The following TRIM21 variants were observed in gnomAD, a reference collection of about 807,000 sequenced individuals.
TRIM21 encodes E3 ubiquitin-protein ligase TRIM21.
TRIM21 carries 35 observed loss-of-function variants against 36.1 expected under a neutral mutation model. That is an observed-to-expected ratio of 0.97 (90% CI 0.74 to 1.28). TRIM21 has a LOEUF of 1.28. Ranked by LOEUF, TRIM21 falls within the 50% of genes most tolerant of loss-of-function variation. TRIM21 has a pLI of 0.00. For synonymous variants in TRIM21, 256 were observed against 211.5 expected (o/e 1.21, Z -1.83); for missense variants, 635 against 570.7 (o/e 1.11, Z -1.15).
At chr11:4,386,382 C>A in intron 5 of TRIM21, 125 bp from the exon 6 acceptor site, 1 of 839,126 alleles carries the variant, frequency 1.2e-6, no homozygotes, top group Non-Finnish European at 2.0e-6. Context: ...CTCTGGTGTT[C>A]AAGTCTCCAG....
Position 4,385,459 on chromosome 11 carries a change from G to A in TRIM21, c.1254C>T (p.Val418=), listed in dbSNP as rs2094955147. Residue 418 remains valine (V), a synonymous_variant, in exon 7 of 7, where the codon GTC becomes GTT. Coordinates refer to ENST00000254436, the MANE Select transcript of TRIM21 (RefSeq NM_003141.4). ...CATGGTCAGTGATGTTGTAGAAGGA[G>A]ACCATGCCAGCCTCATAGTCCAGGA... The part of the protein sequence containing the change: ...GIFLDYEAGM[V]SFYNITDHGS... The A allele has an allele frequency of 6.2e-7, 1 of 1,612,636 alleles. No individual in the cohort carries two copies. Among genetic ancestry groups the A allele is most frequent in the South Asian group, 1.1e-5 (1 of 90,774 alleles).
In TRIM21 at chr11:4,386,199, A is replaced by T; in HGVS notation, c.817T>A (p.Cys273Ser). The T allele has an allele frequency of 6.2e-7, 1 of 1,613,714 alleles. No homozygotes were observed. The highest frequency in any genetic ancestry group is 8.5e-7 in the Non-Finnish European group (1 of 1,179,856). The change falls in exon 6 of 7, where the codon TGC (cysteine) becomes AGC (serine). Residue 273 changes from cysteine to serine, a missense_variant. By Grantham distance (112) the Cys-to-Ser change is moderately radical. Transcript: ENST00000254436. ...DITSPELRSV[C>S]HVPGLKKMLR... Reference sequence around the variant, plus strand: ...ATCTTCTTCAGCCCTGGCACATGGCACACACTCCTGAGTTCTGGAGAGGTA... The same window carrying T: ...ATCTTCTTCAGCCCTGGCACATGGCTCACACTCCTGAGTTCTGGAGAGGTA...
chr11:4,389,477 C>T (rs114384382), intron 3 of TRIM21, among the ~76,000 whole-genome samples, 177 bp downstream of exon 3: 1 of 152,162 alleles, frequency 6.6e-6, no homozygotes, highest in African/African-American at 2.4e-5. Context: ...TTTGAACCTG[C>T]ATCATTTTTA....
rs551825360 is a variant in TRIM21 at position 4,392,621 on chromosome 11, C to G, written c.-50+1012G>C. Among the ~76,000 whole-genome samples, 8 of 139,524 alleles carry G rather than the reference C, an allele frequency of 5.7e-5. No individual in the cohort carries two copies. In the South Asian group the frequency reaches 1.3e-3, roughly 22 times the overall value. 91.5% of individuals were successfully genotyped at this position (139,524 alleles called of 152,430 possible). A position where few individuals can be genotyped will look rare whatever the true frequency, so the allele number is the denominator to read the frequency against. On this transcript the variant is annotated intron_variant, in intron 1 of 6. Coordinates refer to ENST00000254436, the MANE Select transcript of TRIM21 (RefSeq NM_003141.4). ...AAATTAATGGCAAAACAATTAATGT[C>G]AAAAACAGTAATTACTTTTGCACCG... is the stretch of plus-strand genomic sequence containing the variant.
In TRIM21 at chr11:4,389,571, G is replaced by A. The variant is rs534191483; in HGVS notation, c.504+83C>T. ...CTCTATCACTGCTCAGAGAGGCACA[G>A]CTACGGTTAAGGCTGTGAGTTGAGG... On this transcript the variant is annotated intron_variant, in intron 3 of 6. Coordinates refer to ENST00000254436, the MANE Select transcript of TRIM21 (RefSeq NM_003141.4). 4 of 1,182,500 alleles carry A rather than the reference G, an allele frequency of 3.4e-6. No individual in the cohort carries two copies. In the Admixed American group the frequency reaches 6.7e-5, roughly 20 times the overall value. The allele number at this position is 1,182,500 out of a possible 1,614,324, so 73.3% of individuals were successfully genotyped here.
chr11:4,385,295 G>A lies in TRIM21; in HGVS notation c.1418C>T (p.Thr473Ile). The A allele has an allele frequency of 6.2e-7, 1 of 1,611,164 alleles. No individual in the cohort carries two copies. The highest frequency in any genetic ancestry group is 1.1e-5 in the South Asian group (1 of 90,822). ...GTCCAGAGAAAGCCATCAATAGTCAGTGGATCCTTGTGATCCAATATTCAG... is the reference window on the plus strand; with the variant it reads ...GTCCAGAGAAAGCCATCAATAGTCAATGGATCCTTGTGATCCAATATTCAG... ...CPLNIGSQGSTDY is the reference protein window; with the variant it reads ...CPLNIGSQGSIDY The change falls in exon 7 of 7, where the codon ACT (threonine) becomes ATT (isoleucine). Residue 473 changes from threonine (T) to isoleucine (I), a missense_variant. Coordinates refer to ENST00000254436, the MANE Select transcript of TRIM21 (RefSeq NM_003141.4).
intron 1 of TRIM21, among the ~76,000 whole-genome samples, chr11:4,391,585 A>G (rs1194705171): frequency 1.3e-5 from 2 of 152,064 alleles, no homozygotes; most frequent in African/African-American, 4.8e-5. Flanking sequence ...CATATACCCC[A>G]AAGAAAGGAA....
At chr11:4,386,760 G>A (rs2094956704) in intron 5 of TRIM21, among the ~76,000 whole-genome samples, 1 of 152,162 alleles carries the variant, frequency 6.6e-6, no homozygotes, top group Non-Finnish European at 1.5e-5. Context: ...AAGATGTTAT[G>A]ATCCAACTAC....
chr11:4,390,544 C>A (rs1192115911), intron 1 of TRIM21, 86 bp from the exon 2 acceptor site: 1 of 802,886 alleles, frequency 1.2e-6, no homozygotes, highest in Non-Finnish European at 1.9e-6. Flanking sequence ...TATCAAAATA[C>A]CAATGACATT....
At chr11:4,391,252 A>G (rs1448337549) in intron 1 of TRIM21, among the ~76,000 whole-genome samples, 3 of 152,268 alleles carry the variant, frequency 2.0e-5, no homozygotes, top group African/African-American at 4.8e-5. Flanking sequence ...ATCTGACTCA[A>G]AAATGGACAA....
intron 4 of TRIM21, among the ~76,000 whole-genome samples, chr11:4,387,498 A>G (rs188925748): frequency 5.9e-5 from 9 of 152,264 alleles, no homozygotes; most frequent in Admixed American, 5.9e-4. Flanking sequence ...TTTTTGTCGT[A>G]GGGATTAGGC....
At chr11:4,391,420 C>A (rs950037815) in intron 1 of TRIM21, among the ~76,000 whole-genome samples, 4 of 152,120 alleles carry the variant, frequency 2.6e-5, no homozygotes, top group African/African-American at 9.7e-5. Context: ...AAAAGACAGG[C>A]TATAACAAAT....
chr11:4,387,045 C>T (rs1210221567), intron 4 of TRIM21, 55 bp from the exon 5 acceptor site: 2 of 1,542,972 alleles, frequency 1.3e-6, no homozygotes, highest in Non-Finnish European at 1.8e-6. Flanking sequence ...GCCACTGAGA[C>T]ATCAGCCCTG....
At position 4,385,340 on chromosome 11, in the gene TRIM21, G is replaced by T. The variant is rs747427609; in HGVS notation, c.1373C>A (p.Ala458Asp). 6.2e-7 allele frequency: 1 copy of T among 1,613,556 alleles called. No homozygotes were observed. Among genetic ancestry groups the T allele is most frequent in the South Asian group, 1.1e-5 (1 of 91,052 alleles). ...PGFNDGGKNT[A>D]PLTLCPLNIG... is the part of the protein sequence containing the mutation. ...ATTCAGTGGACAGAGGGTTAGAGGG[G>T]CTGTGTTTTTTCCTCCATCATTGAA... Residue 458 changes from alanine (A) to aspartate (D), a missense_variant, in exon 7 of 7, where the codon GCC (alanine) becomes GAC (aspartate). By Grantham distance (126) the Ala-to-Asp change is moderately radical (BLOSUM62 -2). Transcript: ENST00000254436.
chr11:4,384,959 A>G lies in TRIM21; in HGVS notation c.*326T>C. On this transcript the variant is annotated 3_prime_UTR_variant, in exon 7 of 7. Transcript: ENST00000254436. ...CCCTTTTGCAAACCATACAAGATAT[A>G]ATAGAGATCTCACCAAAGACGACAT... is the stretch of plus-strand genomic sequence containing the variant. The G allele has an allele frequency of 3.5e-6, 1 of 283,480 alleles. No individual in the cohort carries two copies. The highest frequency in any genetic ancestry group is 6.6e-6 in the Non-Finnish European group (1 of 152,472). The allele number at this position is 283,480 out of a possible 1,614,324, so 17.6% of individuals were successfully genotyped here.
At chr11:4,386,284 T>G (rs1233825167) in intron 5 of TRIM21, 27 bp from the exon 6 acceptor site, 1 of 1,559,262 alleles carries the variant, frequency 6.4e-7, no homozygotes, top group Non-Finnish European at 8.8e-7. Flanking sequence ...TTGAGACTCC[T>G]GTCTCCTACT....
Position 4,386,212 on chromosome 11 carries a change from T to C in TRIM21, c.804A>G (p.Glu268=). 1.9e-6 allele frequency: 3 copies of C among 1,613,876 alleles called. No individual in the cohort carries two copies. The highest frequency in any genetic ancestry group is 2.5e-6 in the Non-Finnish European group (3 of 1,179,870). Reference sequence around the variant, plus strand: ...CTGGCACATGGCACACACTCCTGAGTTCTGGAGAGGTAATATCCAGGTCCT... The same window carrying C: ...CTGGCACATGGCACACACTCCTGAGCTCTGGAGAGGTAATATCCAGGTCCT... ...NLKDLDITSP[E]LRSVCHVPGL... Residue 268 remains glutamate, a synonymous_variant, in exon 6 of 7, where the codon GAA becomes GAG. Coordinates refer to ENST00000254436, the MANE Select transcript of TRIM21 (RefSeq NM_003141.4).
chr11:4,389,561 G>T, intron 3 of TRIM21, 93 bp downstream of exon 3: 1 of 1,080,014 alleles, frequency 9.3e-7, no homozygotes, highest in Non-Finnish European at 1.4e-6. Flanking sequence ...TCACTGCTCA[G>T]AGAGGCACAG....
At chr11:4,392,931 C>T (rs923636381) in intron 1 of TRIM21, among the ~76,000 whole-genome samples, 3 of 152,118 alleles carry the variant, frequency 2.0e-5, no homozygotes, top group African/African-American at 4.8e-5. Context: ...GCCAGAGATA[C>T]TTCATGCTTT....
Sources: gnomAD v4.1 joint callset for allele counts (sites outside exome capture counted in the v4.1 genomes callset) on GRCh38, gnomAD v4.1.1 for gene constraint, MANE v1.5 for transcripts, NCBI Gene and HGNC (gene_info 2026-07-23, HGNC 2026-07-21) for gene names.